The following FOXN1 variants were observed in gnomAD, a reference collection of about 807,000 sequenced individuals.
FOXN1 encodes forkhead box N1.
FOXN1 carries 15 observed loss-of-function variants against 49.0 expected under a neutral mutation model. The observed-to-expected ratio is 0.31, with a 90% CI of 0.20 to 0.47. The LOEUF is 0.47. Ranked by LOEUF, FOXN1 falls within the 20% of genes least tolerant of loss-of-function variation. The pLI is 1.00. For synonymous variants in FOXN1, 356 were observed against 369.0 expected (o/e 0.96, Z 0.40); for missense variants, 800 against 842.8 (o/e 0.95, Z 0.63).
At chr17:28,514,498 C>T (rs2069453513) in intron 1 of FOXN1, among the ~76,000 whole-genome samples, 1 of 152,114 alleles carries the variant, frequency 6.6e-6, no homozygotes, top group African/African-American at 2.4e-5. Flanking sequence ...TTCCCAGACC[C>T]CGAGTTTCCT....
At position 28,527,289 on chromosome 17, in the gene FOXN1, T is replaced by A. The variant is rs1002428746; in HGVS notation, c.627T>A (p.Ser209Arg). The change falls in exon 4 of 9, where the codon AGT (serine) becomes AGA (arginine). Residue 209 changes from serine (S) to arginine (R), a missense_variant. Physicochemically the swap from Ser to Arg is moderately radical, Grantham distance 110. This residue lies in a region of FOXN1 where 383 missense variants were observed against 357.9 expected (regional missense o/e 1.07). Coordinates refer to ENST00000579795, the MANE Select transcript of FOXN1 (RefSeq NM_001369369.1). The stretch of plus-strand genomic sequence containing the variant: ...AAGTCAAGCCCCCAGTTCTGGAGAG[T>A]GGTGCTGGGATGTTCTGCTACCAGC... ...EVKVKPPVLESGAGMFCYQPP... is the reference protein window; with the variant it reads ...EVKVKPPVLERGAGMFCYQPP... 6.2e-7 allele frequency: 1 copy of A among 1,613,762 alleles called. No homozygotes were observed.
chr17:28,537,020 T>G (rs1231267807), intron 8 of FOXN1, 97 bp from the exon 9 acceptor site: 1 of 957,058 alleles, frequency 1.0e-6, no homozygotes, highest in Non-Finnish European at 1.7e-6. Flanking sequence ...CCCTGACCCC[T>G]GCTCTCTGCA....
In FOXN1 at chr17:28,524,803, C is replaced by G; in HGVS notation, c.424C>G (p.Leu142Val). The change falls in exon 3 of 9, where the codon CTG becomes GTG. Residue 142 changes from leucine to valine, a missense_variant. By Grantham distance (32) the Leu-to-Val change is conservative. This residue lies in a region of FOXN1 where 383 missense variants were observed against 357.9 expected (regional missense o/e 1.07). Transcript: ENST00000579795. ...CGTCTTCCCAGAGGCCGAGACCACC[C>G]TGGCCCTCAAAGGACACTCCTTTAA... ...EDVFPEAETTLALKGHSFKTP... is the reference protein window; with the variant it reads ...EDVFPEAETTVALKGHSFKTP... 1 of 1,613,760 alleles carries G rather than the reference C, an allele frequency of 6.2e-7. No individual in the cohort carries two copies. The highest frequency in any genetic ancestry group is 8.5e-7 in the Non-Finnish European group (1 of 1,179,990).
rs560836858 is a variant in FOXN1 at position 28,538,788 on chromosome 17, A to T, written c.*1352A>T. 3.3e-5 allele frequency: 5 copies of T among 152,342 alleles called. No homozygotes were observed. The South Asian group carries it at 1.0e-3, about 32-fold the overall frequency. The allele number at this position is 152,342 out of a possible 1,614,324, so 9.4% of individuals were successfully genotyped here. On this transcript the variant is annotated 3_prime_UTR_variant, in exon 9 of 9. Coordinates refer to ENST00000579795, the MANE Select transcript of FOXN1 (RefSeq NM_001369369.1). ...AGCCCACCCTGGGCCTGGGGGTGAC[A>T]AGAACTTCCACAGGTTGGCCCCAGG...
Position 28,537,997 on chromosome 17 carries a change from C to T in FOXN1, c.*561C>T, listed in dbSNP as rs2070113012. The T allele has an allele frequency of 6.1e-6, 1 of 164,794 alleles. No individual in the cohort carries two copies. Among genetic ancestry groups the T allele is most frequent in the Non-Finnish European group, 1.3e-5 (1 of 75,076 alleles). 10.2% of individuals were successfully genotyped at this position (164,794 alleles called of 1,614,324 possible). On this transcript the variant is annotated 3_prime_UTR_variant, in exon 9 of 9. Coordinates refer to ENST00000579795, the MANE Select transcript of FOXN1 (RefSeq NM_001369369.1). The stretch of plus-strand genomic sequence containing the variant: ...CTGTATTTATTCCCCCATCTTCATC[C>T]CAACAGCCCAGCAAGAAGGAGGAGA...
intron 1 of FOXN1, among the ~76,000 whole-genome samples, chr17:28,520,022 G>C (rs2069608472): frequency 6.6e-6 from 1 of 152,076 alleles, no homozygotes; most frequent in African/African-American, 2.4e-5. Context: ...TGTACTATGT[G>C]TTAAGCTATT....
At chr17:28,519,385 G>C in intron 1 of FOXN1, among the ~76,000 whole-genome samples, 1 of 152,152 alleles carries the variant, frequency 6.6e-6, no homozygotes, top group South Asian at 2.1e-4. Context: ...GTGGAACTGC[G>C]GCAAAGGGAC....
intron 4 of FOXN1, among the ~76,000 whole-genome samples, chr17:28,527,769 C>G (rs964549970): frequency 6.6e-6 from 1 of 152,198 alleles, no homozygotes; most frequent in South Asian, 2.1e-4. Flanking sequence ...CACCATCTTG[C>G]TATGTGACCT....
chr17:28,509,788 G>A (rs1180403314), intron 1 of FOXN1, among the ~76,000 whole-genome samples: 2 of 152,256 alleles, frequency 1.3e-5, no homozygotes, highest in African/African-American at 4.8e-5. Context: ...AAGCGGGGCC[G>A]GGGCAGGCTT....
At chr17:28,522,099 C>T (rs909695399) in intron 1 of FOXN1, among the ~76,000 whole-genome samples, 1 of 152,238 alleles carries the variant, frequency 6.6e-6, no homozygotes, top group African/African-American at 2.4e-5. Context: ...GTTCTTGCCC[C>T]TGGGCGACTT....
chr17:28,535,855 A>T (rs1428132265), intron 8 of FOXN1, among the ~76,000 whole-genome samples: 1 of 152,222 alleles, frequency 6.6e-6, no homozygotes, highest in Non-Finnish European at 1.5e-5. Flanking sequence ...TCTCAGATGC[A>T]TTTGCATTTT....
At position 28,534,773 on chromosome 17, in the gene FOXN1, C is replaced by T. The variant is rs772876092; in HGVS notation, c.1202C>T (p.Pro401Leu). Residue 401 changes from proline (P) to leucine (L), a missense_variant, in exon 8 of 9, where the codon CCC becomes CTC. By Grantham distance (98) the Pro-to-Leu change is moderately conservative. This residue lies in a region of FOXN1 where 344 missense variants were observed against 366.1 expected (regional missense o/e 0.94). Coordinates refer to ENST00000579795, the MANE Select transcript of FOXN1 (RefSeq NM_001369369.1). This position sits in a 1 kb window ranked among gnomAD's most constrained non-coding sequence, Gnocchi z 4.1. ...GGCTCCCCACTCCTGGGCTGTCCGC[C>T]CCCTGGGCTGTCCGGCTCAGGCCCC... ...KLGSPLLGCPPPGLSGSGPIR... is the reference protein window; with the variant it reads ...KLGSPLLGCPLPGLSGSGPIR... The T allele has an allele frequency of 1.2e-6, 2 of 1,613,568 alleles. No homozygotes were observed. Among genetic ancestry groups the T allele is most frequent in the South Asian group, 1.1e-5 (1 of 91,050 alleles).
intron 1 of FOXN1, among the ~76,000 whole-genome samples, chr17:28,517,205 C>G (rs1431314078): frequency 6.7e-6 from 1 of 148,354 alleles, no homozygotes; most frequent in African/African-American, 2.5e-5. Context: ...ATACACACCT[C>G]CACAGGGTAC....
intron 4 of FOXN1, among the ~76,000 whole-genome samples, chr17:28,527,718 G>A (rs1187062324): frequency 6.6e-6 from 1 of 152,194 alleles, no homozygotes; most frequent in African/African-American, 2.4e-5. Flanking sequence ...GTGAAACACA[G>A]GCCGAGCAGG....
chr17:28,530,205 C>A (rs1423069937), intron 5 of FOXN1, among the ~76,000 whole-genome samples: 1 of 151,910 alleles, frequency 6.6e-6, no homozygotes, highest in Non-Finnish European at 1.5e-5. Context: ...AAATATAAGA[C>A]TTTTAAGATT....
chr17:28,521,516 G>C (rs1004242147), intron 1 of FOXN1, among the ~76,000 whole-genome samples: 3 of 152,244 alleles, frequency 2.0e-5, no homozygotes, highest in Non-Finnish European at 4.4e-5. Flanking sequence ...GAGGTGGGCT[G>C]CCCCGCACCT....
intron 4 of FOXN1, 67 bp downstream of exon 4, chr17:28,527,428 G>T (rs1046531148): frequency 8.9e-6 from 8 of 896,746 alleles, no homozygotes; most frequent in African/African-American, 1.6e-5. Flanking sequence ...TATGTGGTGT[G>T]TGGGTGTCTA....
rs1262212717 is a variant in FOXN1, at chr17:28,530,735, T to C, written c.831-14T>C. On this transcript the variant is annotated splice_polypyrimidine_tract_variant and intron_variant, in intron 5 of 8. Transcript: ENST00000579795. ...TCAGAGGTTCGGACTCTCAGGGGCT[T>C]TCTCTTTCTTCAGCATCCTCATCTT... 1.3e-6 allele frequency: 2 copies of C among 1,533,918 alleles called. No individual in the cohort carries two copies. Among genetic ancestry groups the C allele is most frequent in the Non-Finnish European group, 1.8e-6 (2 of 1,106,914 alleles).
In FOXN1 at chr17:28,537,373, C is replaced by A. The variant is rs2070097373; in HGVS notation, c.1884C>A (p.Pro628=). 4.3e-6 allele frequency: 7 copies of A among 1,612,962 alleles called. No individual in the cohort carries two copies. Among genetic ancestry groups the A allele is most frequent in the Admixed American group, 1.7e-5 (1 of 60,022 alleles). The stretch of plus-strand genomic sequence containing the variant: ...TTATGGAGCTGGAGCCCACGCCCCC[C>A]ACGGCCCCTGCAGGCCCCTCTGTGT... ...SAFMELEPTP[P]TAPAGPSVYL... The change falls in exon 9 of 9, where the codon CCC becomes CCA. Residue 628 remains proline, a synonymous_variant. Transcript: ENST00000579795.
Sources: gnomAD v4.1 joint callset for allele counts (sites outside exome capture counted in the v4.1 genomes callset) on GRCh38, gnomAD v4.1.1 for gene constraint, gnomAD v4.1.1 regional missense constraint, Gnocchi (gnomAD v3.1) non-coding constraint, MANE v1.5 for transcripts, NCBI Gene and HGNC (gene_info 2026-07-23, HGNC 2026-07-21) for gene names.